Variants in YTHDC2 observed in about 807,000 individuals in gnomAD.
The protein encoded by YTHDC2 is 3'-5' RNA helicase YTHDC2.
Under a neutral mutation model 174.9 loss-of-function variants are expected in YTHDC2, and 45 were observed. The ratio of observed to expected loss-of-function variants is 0.26; its 90% CI spans 0.20 to 0.33. The LOEUF is 0.33. YTHDC2 is among the 10% of genes least tolerant of loss of function. YTHDC2 has a pLI of 1.00. For synonymous variants in YTHDC2, 657 were observed against 574.5 expected (o/e 1.14, Z -2.05); for missense variants, 1,650 against 1,723.7 (o/e 0.96, Z 0.76).
At chr5:113,517,382 T>TA (rs1217059149) in intron 2 of YTHDC2, among the ~76,000 whole-genome samples, 4 of 152,218 alleles carry the variant, frequency 2.6e-5, no homozygotes, top group Non-Finnish European at 5.9e-5. Flanking sequence ...TTTCTATGGT[T>TA]ACATGGGTCT....
At chr5:113,556,283 T>C in intron 17 of YTHDC2, 149 bp downstream of exon 17, 1 of 458,260 alleles carries the variant, frequency 2.2e-6, no homozygotes, top group Non-Finnish European at 3.9e-6. Context: ...GCAAGCCATT[T>C]TGATACTTCC....
At chr5:113,534,715 T>C (rs1268075897) in intron 6 of YTHDC2, among the ~76,000 whole-genome samples, 1 of 151,916 alleles carries the variant, frequency 6.6e-6, no homozygotes, top group African/African-American at 2.4e-5. Flanking sequence ...GCACTTAGAG[T>C]TCTCAAAAAA....
At chr5:113,584,718 C>A (rs1274341984) in intron 26 of YTHDC2, among the ~76,000 whole-genome samples, 3 of 150,616 alleles carry the variant, frequency 2.0e-5, no homozygotes, top group African/African-American at 7.3e-5. Context: ...ATAGATCATT[C>A]ACTACTGGCA....
intron 10 of YTHDC2, among the ~76,000 whole-genome samples, chr5:113,546,343 T>C (rs112944621): frequency 4.6e-5 from 7 of 151,734 alleles, no homozygotes; most frequent in African/African-American, 1.7e-4. Flanking sequence ...TCTGCTCTTA[T>C]GTACAGTTTG....
At chr5:113,516,612 GTGACAACCAGAGA>G (rs1773443164) in intron 2 of YTHDC2, among the ~76,000 whole-genome samples, 1 of 152,152 alleles carries the variant, frequency 6.6e-6, no homozygotes, top group African/African-American at 2.4e-5. Flanking sequence ...AACCCCAGTT[GTGACAACCAGAGA>G]TGCTTCTAGA....
intron 2 of YTHDC2, among the ~76,000 whole-genome samples, chr5:113,519,012 G>A (rs895613426): frequency 1.3e-5 from 2 of 151,560 alleles, no homozygotes; most frequent in Non-Finnish European, 2.9e-5. Flanking sequence ...AGGACCACAG[G>A]CATGCACCAC....
In YTHDC2 at chr5:113,575,045, C is replaced by T. The variant is rs537694369; in HGVS notation, c.3245-4541C>T. Among the ~76,000 whole-genome samples, 5 of 149,602 alleles carry T rather than the reference C, an allele frequency of 3.3e-5. No homozygotes were observed. The East Asian group carries it at 5.8e-4, about 17-fold the overall frequency. On this transcript the variant is annotated intron_variant, in intron 23 of 29. Transcript: ENST00000161863. Reference sequence around the variant, plus strand: ...CCTTCACCTACTTTTCTTCATTCTCCATGGGTTGATTTGTATGTATGCCTA... The same window carrying T: ...CCTTCACCTACTTTTCTTCATTCTCTATGGGTTGATTTGTATGTATGCCTA...
intron 26 of YTHDC2, among the ~76,000 whole-genome samples, chr5:113,585,700 C>G (rs971062513): frequency 6.6e-6 from 1 of 151,118 alleles, no homozygotes; most frequent in African/African-American, 2.4e-5. Context: ...CGTTTTGTGT[C>G]TGGCTTATTT....
chr5:113,553,408 A>G (rs367888408), intron 13 of YTHDC2, 49 bp downstream of exon 13: 74 of 1,522,488 alleles, frequency 4.9e-5, no homozygotes, highest in Non-Finnish European at 6.2e-5. Flanking sequence ...ATACTTTAAG[A>G]ATTAATATTT....
intron 19 of YTHDC2, 148 bp from the exon 20 acceptor site, chr5:113,563,711 A>T: frequency 1.0e-6 from 1 of 974,702 alleles, no homozygotes; most frequent in Non-Finnish European, 1.5e-6. Context: ...GTTCTTTTAT[A>T]TAGTATAATA....
intron 2 of YTHDC2, among the ~76,000 whole-genome samples, chr5:113,518,671 G>C (rs1561618251): frequency 6.6e-6 from 1 of 151,700 alleles, no homozygotes; most frequent in Non-Finnish European, 1.5e-5. Context: ...AGTGCAGAAA[G>C]CCTGGATTCT....
chr5:113,588,758 G>A (rs1429923070), intron 26 of YTHDC2, among the ~76,000 whole-genome samples: 1 of 151,928 alleles, frequency 6.6e-6, no homozygotes, highest in Admixed American at 6.6e-5. Context: ...GAGTAGCTGG[G>A]ATTACAGGCA....
At chr5:113,556,352 T>G (rs1266096766) in intron 17 of YTHDC2, 3 of 345,306 alleles carry the variant, frequency 8.7e-6, no homozygotes, top group Non-Finnish European at 1.6e-5. Flanking sequence ...TAAATGTACA[T>G]TCAGATGTAA....
chr5:113,541,381 C>T (rs1034246997), intron 9 of YTHDC2, among the ~76,000 whole-genome samples: 22 of 151,882 alleles, frequency 1.4e-4, no homozygotes, highest in African/African-American at 1.9e-4. Flanking sequence ...TTAGTAGAGA[C>T]GGGATTTCAC....
chr5:113,545,535 T>C (rs1163076569), intron 10 of YTHDC2, among the ~76,000 whole-genome samples: 2 of 151,662 alleles, frequency 1.3e-5, no homozygotes, highest in Non-Finnish European at 2.9e-5. Flanking sequence ...ACTTCTAATA[T>C]GCCCCAGACT....
chr5:113,538,102 A>G (rs938678358), intron 7 of YTHDC2, among the ~76,000 whole-genome samples: 6 of 152,032 alleles, frequency 3.9e-5, no homozygotes, highest in Admixed American at 2.0e-4. Context: ...TTTTTTTTCC[A>G]TATCCAATAT....
At chr5:113,518,975 A>G (rs899106640) in intron 2 of YTHDC2, among the ~76,000 whole-genome samples, 6 of 152,024 alleles carry the variant, frequency 3.9e-5, no homozygotes, top group Admixed American at 6.6e-5. Flanking sequence ...TCAAACGCCT[A>G]GGCTCAGGCT....
At position 113,513,829 on chromosome 5, in the gene YTHDC2, C is replaced by G. The variant is rs1773183703; in HGVS notation, c.-67C>G. 6.7e-7 allele frequency: 1 copy of G among 1,494,820 alleles called. No individual in the cohort carries two copies. The highest frequency in any genetic ancestry group is 2.4e-5 in the Admixed American group (1 of 42,260). The allele number at this position is 1,494,820 out of a possible 1,614,324, so 92.6% of individuals were successfully genotyped here. ...GGTAGTGGCCCCGGATTCCCACGGT[C>G]TTTGTCATTGGCTGTCAGCTAGCAG... On this transcript the variant is annotated 5_prime_UTR_variant, in exon 1 of 30. Transcript: ENST00000161863.
chr5:113,571,760 A>G (rs7702405), intron 23 of YTHDC2, among the ~76,000 whole-genome samples: 94,390 of 151,978 alleles, frequency 0.62, 31,872 homozygotes, highest in African/African-American at 0.9. Context: ...GTTTATTTGC[A>G]TAGAGGTGTT....
Sources: allele counts gnomAD v4.1 joint callset (sites outside exome capture counted in the v4.1 genomes callset), GRCh38; gene constraint gnomAD v4.1.1; transcripts MANE v1.5; gene names NCBI Gene and HGNC (gene_info 2026-07-23, HGNC 2026-07-21).